Variants in HK1 observed in about 807,000 individuals in gnomAD.
HK1 encodes the protein hexokinase 1.
Under a neutral mutation model 91.6 loss-of-function variants are expected in HK1, and 28 were observed. The observed-to-expected ratio is 0.31, with a 90% CI of 0.23 to 0.42. The LOEUF (loss-of-function observed/expected upper bound fraction) is 0.42. Ranked by LOEUF, HK1 falls within the 10% of genes least tolerant of loss-of-function variation. The probability of loss-of-function intolerance (pLI) is 1.00; values close to 1 mark genes in which losing one functional copy is unlikely to be tolerated. For missense variants in HK1, 770 were observed against 1,219.8 expected (o/e 0.63, Z 5.49); for synonymous variants, 430 against 468.1 (o/e 0.92, Z 1.05).
chr10:69,319,004 CA>C lies in HK1; in HGVS notation c.62del (p.Lys21ArgfsTer17). The C allele has an allele frequency of 6.2e-7, 1 of 1,601,330 alleles. No homozygotes were observed. The highest frequency in any genetic ancestry group is 8.5e-7 in the Non-Finnish European group (1 of 1,174,814). On this transcript the variant is annotated frameshift_variant, in exon 1 of 18. Coordinates refer to ENST00000359426, the MANE Select transcript of HK1 (RefSeq NM_000188.3). LOFTEE classifies it high-confidence loss of function. ...YFTELKDDQV[K>X]KIDKYLYAMR... is the part of the protein sequence containing the mutation. ...TCACGGAGCTGAAGGATGACCAGGT[CA>C]AAAAGGTGAGCCCCCGCCCGCGCCG...
chr10:69,284,890 C>T (rs543904551), intron 2 of HK1, among the ~76,000 whole-genome samples: 40 of 152,166 alleles, frequency 2.6e-4, no homozygotes, highest in Non-Finnish European at 4.9e-4. Flanking sequence ...GATCTTGGCT[C>T]ACTGCAAGCT....
intron 2 of HK1, among the ~76,000 whole-genome samples, chr10:69,351,185 A>AAATG (rs201584324): frequency 0.13 from 19,252 of 146,736 alleles, 1,424 homozygotes; most frequent in South Asian, 0.24. Context: ...AAAATTAAAT[A>AAATG]AATAAATAAA....
chr10:69,384,078 T>C (rs1049934773), intron 10 of HK1, among the ~76,000 whole-genome samples: 5 of 152,248 alleles, frequency 3.3e-5, no homozygotes, highest in African/African-American at 1.2e-4. Flanking sequence ...GTTGCAGCCC[T>C]GGTGAAGTCT....
chr10:69,359,786 A>G, intron 2 of HK1, 111 bp from the exon 3 acceptor site: 2 of 993,022 alleles, frequency 2.0e-6, no homozygotes, highest in African/African-American at 1.6e-5. Context: ...TGATAACAGC[A>G]TGTGGCAGGG....
chr10:69,398,849 G>T, intron 17 of HK1, 21 bp downstream of exon 17: 1 of 1,570,064 alleles, frequency 6.4e-7, no homozygotes, highest in Non-Finnish European at 8.8e-7. Flanking sequence ...CTTCCAGTTG[G>T]GATGCGCAGA....
In HK1 at chr10:69,384,246, C is replaced by T. The variant is rs1480542931; in HGVS notation, c.1571-87C>T. ...CCTCTATGTTTGCTATGGGGTTCTC[C>T]CCTTGAAAGTCTGGAGTCTTGGGGT... is the stretch of plus-strand genomic sequence containing the variant. On this transcript the variant is annotated intron_variant, in intron 10 of 17. Coordinates refer to ENST00000359426, the MANE Select transcript of HK1 (RefSeq NM_000188.3). 2.7e-6 allele frequency: 4 copies of T among 1,503,180 alleles called. No individual in the cohort carries two copies. The East Asian group carries it at 6.8e-5, about 25-fold the overall frequency. The allele number at this position is 1,503,180 out of a possible 1,614,324, so 93.1% of individuals were successfully genotyped here.
chr10:69,344,132 CGCTG>C (rs1848433349), intron 2 of HK1, 143 bp downstream of exon 2: 274 of 845,842 alleles, frequency 3.2e-4, no homozygotes, highest in Middle Eastern at 4.4e-4. Context: ...TCCATCCATC[CGCTG>C]ATCCATCTGC....
At chr10:69,400,615 T>C (rs148640530) in intron 17 of HK1, among the ~76,000 whole-genome samples, 5 of 152,302 alleles carry the variant, frequency 3.3e-5, no homozygotes, top group African/African-American at 1.2e-4. Context: ...CAAGCTCCGA[T>C]GTGGGTGTGT....
chr10:69,318,025 G>A (rs540247242), upstream of HK1: 15 of 985,158 alleles, frequency 1.5e-5, no homozygotes, highest in East Asian at 3.4e-4. Flanking sequence ...ATGCCCAAGA[G>A]CAAGAGGAGG....
intron 5 of HK1, among the ~76,000 whole-genome samples, chr10:69,306,962 G>A (rs1846137345): frequency 6.6e-6 from 1 of 152,178 alleles, no homozygotes; most frequent in African/African-American, 2.4e-5. Flanking sequence ...GGAAAGTGCA[G>A]GGCAGATTAG....
rs1459438156 is a variant in HK1 at position 69,400,976 on chromosome 10, T to G, written c.2610-15T>G. 3.7e-6 allele frequency: 6 copies of G among 1,614,086 alleles called. No individual in the cohort carries two copies. The highest frequency in any genetic ancestry group is 3.3e-5 in the Admixed American group (2 of 60,016). ...ATCTTCCTCCAACTACCTTCTGTTT[T>G]CTCGTCCTTTTTAGCTTCTCCAGAA... On this transcript the variant is annotated splice_polypyrimidine_tract_variant and intron_variant, in intron 17 of 17. Transcript: ENST00000359426.
At chr10:69,283,186 C>T (rs1844846050) in intron 2 of HK1, among the ~76,000 whole-genome samples, 1 of 145,638 alleles carries the variant, frequency 6.9e-6, no homozygotes, top group South Asian at 2.2e-4. Flanking sequence ...GTGGCTCACA[C>T]ATGTAATCCC....
intron 2 of HK1, among the ~76,000 whole-genome samples, chr10:69,358,581 G>T (rs943654324): frequency 1.3e-5 from 2 of 152,230 alleles, no homozygotes; most frequent in African/African-American, 4.8e-5. Context: ...AAGGAATGAG[G>T]CTGGGCACGG....
At chr10:69,290,053 G>A (rs1272198943) in intron 3 of HK1, among the ~76,000 whole-genome samples, 1 of 152,006 alleles carries the variant, frequency 6.6e-6, no homozygotes, top group African/African-American at 2.4e-5. Flanking sequence ...GCTGTAGGTG[G>A]GTCCCTCTGA....
At chr10:69,345,453 C>T (rs555331013) in intron 2 of HK1, among the ~76,000 whole-genome samples, 13 of 152,282 alleles carry the variant, frequency 8.5e-5, no homozygotes, top group African/African-American at 2.6e-4. Context: ...TGGATGTCAC[C>T]TACAGCCAGG....
chr10:69,295,526 A>G, intron 3 of HK1: 1 of 782,582 alleles, frequency 1.3e-6, no homozygotes, highest in Non-Finnish European at 2.3e-6. Context: ...ACTTGTAATT[A>G]CTTTTGTTTT....
rs1379311779 is a variant in HK1, at chr10:69,380,053, C to T, written c.1223C>T (p.Thr408Ile). The T allele has an allele frequency of 6.2e-7, 1 of 1,614,118 alleles. No individual in the cohort carries two copies. Among genetic ancestry groups the T allele is most frequent in the South Asian group, 1.1e-5 (1 of 91,086 alleles). The change falls in exon 9 of 18, where the codon ACC becomes ATC. Residue 408 changes from threonine (T) to isoleucine (I), a missense_variant. By Grantham distance (89) the Thr-to-Ile change is moderately conservative. Coordinates refer to ENST00000359426, the MANE Select transcript of HK1 (RefSeq NM_000188.3). The surrounding 1 kb of genome is among the most constrained non-coding windows in gnomAD (Gnocchi z 4.0). ...RDNKGTPRLRTTVGVDGSLYK... is the reference protein window; with the variant it reads ...RDNKGTPRLRITVGVDGSLYK... Reference sequence around the variant, plus strand: ...AACAAGGGCACACCCAGGCTGCGGACCACGGTTGGTGTCGACGGATCTCTT... The same window carrying T: ...AACAAGGGCACACCCAGGCTGCGGATCACGGTTGGTGTCGACGGATCTCTT...
intron 3 of HK1, among the ~76,000 whole-genome samples, chr10:69,291,476 C>T (rs1489519737): frequency 6.6e-6 from 1 of 152,204 alleles, no homozygotes; most frequent in Non-Finnish European, 1.5e-5. Flanking sequence ...ATGCCCACCA[C>T]TCCCAAAGGC....
In HK1 at chr10:69,369,573, C is replaced by T; in HGVS notation, c.824C>T (p.Thr275Ile). ...GDDGSLEDIRTEFDREIDRGS... is the reference protein window; with the variant it reads ...GDDGSLEDIRIEFDREIDRGS... The stretch of plus-strand genomic sequence containing the variant: ...GATGGATCATTAGAAGACATCCGGA[C>T]AGAGTTTGACAGGGAGATAGACCGG... Residue 275 changes from threonine to isoleucine, a missense_variant, in exon 7 of 18, where the codon ACA (threonine) becomes ATA (isoleucine). By Grantham distance (89) the Thr-to-Ile change is moderately conservative (BLOSUM62 -1). Transcript: ENST00000359426. The surrounding 1 kb of genome is among the most constrained non-coding windows in gnomAD (Gnocchi z 4.4). 3 of 1,614,202 alleles carry T rather than the reference C, an allele frequency of 1.9e-6. No homozygotes were observed. Among genetic ancestry groups the T allele is most frequent in the South Asian group, 1.1e-5 (1 of 91,082 alleles).
Sources: gnomAD v4.1 joint callset for allele counts (sites outside exome capture counted in the v4.1 genomes callset) on GRCh38, gnomAD v4.1.1 for gene constraint, Gnocchi (gnomAD v3.1) non-coding constraint, MANE v1.5 for transcripts, NCBI Gene and HGNC (gene_info 2026-07-23, HGNC 2026-07-21) for gene names.